Variants in MOSMO observed in about 807,000 individuals in gnomAD.
MOSMO encodes modulator of smoothened protein.
A neutral mutation model predicts 18.4 loss-of-function variants in MOSMO; 5 were observed. The ratio of observed to expected loss-of-function variants is 0.27; its 90% CI spans 0.14 to 0.57. The LOEUF (loss-of-function observed/expected upper bound fraction) is 0.57, where lower values mean the gene tolerates loss of function less well. Among genes scored for constraint, MOSMO ranks in the 20% least tolerant of loss-of-function variants. MOSMO has a pLI of 0.92. For synonymous variants in MOSMO, 82 were observed against 82.3 expected, an observed-to-expected ratio of 1.00 and a Z score of 0.02; for missense variants, 138 against 211.8, an observed-to-expected ratio of 0.65 and a Z score of 2.16.
intron 1 of MOSMO, chr16:22,064,191 C>T (rs1393970192): frequency 2.6e-6 from 1 of 390,550 alleles, no homozygotes; most frequent in Non-Finnish European, 5.1e-6. Context: ...GTTTCTTGAT[C>T]ATTGTCCACA....
At chr16:22,018,872 G>C (rs1179784994) in intron 1 of MOSMO, among the ~76,000 whole-genome samples, 1 of 152,158 alleles carries the variant, frequency 6.6e-6, no homozygotes, top group Non-Finnish European at 1.5e-5. Flanking sequence ...CATGAGTAAA[G>C]GTAGAGAGGA....
chr16:22,084,373 G>A lies in MOSMO; in HGVS notation c.*3493G>A, dbSNP rs1901134254. 1 of 152,028 alleles carries A rather than the reference G, an allele frequency of 6.6e-6. No homozygotes were observed. The highest frequency in any genetic ancestry group is 2.1e-4 in the South Asian group (1 of 4,822). 9.4% of individuals were successfully genotyped at this position (152,028 alleles called of 1,614,324 possible). A position where few individuals can be genotyped will look rare whatever the true frequency, so the allele number is the denominator to read the frequency against. On this transcript the variant is annotated 3_prime_UTR_variant, in exon 3 of 3. Transcript: ENST00000542527. ...GCTGTCTTTCAGAAAATTTTTGAAGGATAAAAACATGAAGGAAAAAAGTGG... is the reference window on the plus strand; with the variant it reads ...GCTGTCTTTCAGAAAATTTTTGAAGAATAAAAACATGAAGGAAAAAAGTGG...
chr16:22,043,564 T>A (rs982289659), intron 1 of MOSMO, among the ~76,000 whole-genome samples: 54 of 152,276 alleles, frequency 3.5e-4, no homozygotes, highest in African/African-American at 1.3e-3. Flanking sequence ...TTCTGAAAAA[T>A]TGGAATTCAT....
chr16:22,089,730 T>C (rs1465497835), downstream of MOSMO, among the ~76,000 whole-genome samples: 1 of 148,834 alleles, frequency 6.7e-6, no homozygotes, highest in Admixed American at 6.8e-5. Flanking sequence ...CGTCTCACAC[T>C]TGGGGAATGA....
At chr16:22,043,830 A>AT (rs1900255539) in intron 1 of MOSMO, among the ~76,000 whole-genome samples, 1 of 152,192 alleles carries the variant, frequency 6.6e-6, no homozygotes, top group South Asian at 2.1e-4. Context: ...TGAAGTGTCA[A>AT]TTATGTTGTA....
chr16:22,075,186 G>A (rs1242529397), intron 1 of MOSMO: 2 of 416,732 alleles, frequency 4.8e-6, no homozygotes, highest in African/African-American at 4.1e-5. Flanking sequence ...TATTTCCCTG[G>A]AGCCTAGAAA....
At chr16:22,079,231 A>G (rs1901031880) in intron 2 of MOSMO, among the ~76,000 whole-genome samples, 1 of 152,266 alleles carries the variant, frequency 6.6e-6, no homozygotes, top group Non-Finnish European at 1.5e-5. Context: ...CTCTGTTAGT[A>G]TTGCTGGGGG....
At chr16:22,028,385 T>G (rs1899921608) in intron 1 of MOSMO, among the ~76,000 whole-genome samples, 1 of 151,670 alleles carries the variant, frequency 6.6e-6, no homozygotes, top group Non-Finnish European at 1.5e-5. Flanking sequence ...TTTTTTAATT[T>G]TGATAAAATA....
At chr16:22,077,949 A>G (rs528240271) in intron 2 of MOSMO, among the ~76,000 whole-genome samples, 36 of 152,146 alleles carry the variant, frequency 2.4e-4, no homozygotes, top group South Asian at 8.3e-4. Flanking sequence ...GTACTTTATT[A>G]TGTGTATTTC....
intron 1 of MOSMO, among the ~76,000 whole-genome samples, chr16:22,045,982 T>A (rs1900301160): frequency 1.3e-5 from 2 of 151,506 alleles, no homozygotes; most frequent in South Asian, 4.2e-4. Context: ...ACCCAGTAAC[T>A]CGTCATTTAA....
At chr16:22,018,941 A>G (rs972007928) in intron 1 of MOSMO, among the ~76,000 whole-genome samples, 1 of 152,232 alleles carries the variant, frequency 6.6e-6, no homozygotes, top group Non-Finnish European at 1.5e-5. Context: ...TTATCTTTCT[A>G]AAGAACAAAT....
chr16:22,047,173 A>G (rs1284790445), intron 1 of MOSMO, among the ~76,000 whole-genome samples: 6 of 149,658 alleles, frequency 4.0e-5, no homozygotes, highest in Non-Finnish European at 5.9e-5. Flanking sequence ...TGTGTTAGAG[A>G]TCTTTCCACG....
chr16:22,051,105 TG>T (rs1467023497), intron 1 of MOSMO, among the ~76,000 whole-genome samples: 3 of 152,192 alleles, frequency 2.0e-5, no homozygotes, highest in Admixed American at 2.0e-4. Flanking sequence ...TTTGACTCTA[TG>T]GCTGGGCGCG....
chr16:22,009,433 T>G (rs1289148283), intron 1 of MOSMO, among the ~76,000 whole-genome samples: 1 of 151,836 alleles, frequency 6.6e-6, no homozygotes, highest in Non-Finnish European at 1.5e-5. Context: ...CTTCCAAGAT[T>G]TTTCTCAGCT....
intron 1 of MOSMO, among the ~76,000 whole-genome samples, chr16:22,020,254 A>G (rs1174382741): frequency 1.3e-5 from 2 of 150,694 alleles, no homozygotes; most frequent in East Asian, 3.9e-4. Context: ...TATTTAGAAA[A>G]TGAAGTCCAG....
At chr16:22,065,448 T>C (rs1372971704) in intron 1 of MOSMO, among the ~76,000 whole-genome samples, 1 of 152,140 alleles carries the variant, frequency 6.6e-6, no homozygotes, top group Non-Finnish European at 1.5e-5. Context: ...GAACTTGCCT[T>C]GTGTGTGGTC....
chr16:22,017,239 C>T (rs1361636108), intron 1 of MOSMO, among the ~76,000 whole-genome samples: 2 of 152,044 alleles, frequency 1.3e-5, no homozygotes, highest in East Asian at 3.8e-4. Context: ...AGAACTTGTT[C>T]GTGCAACCTG....
downstream of MOSMO, among the ~76,000 whole-genome samples, chr16:22,085,483 A>G (rs201375319): frequency 2.0e-5 from 3 of 152,180 alleles, no homozygotes; most frequent in South Asian, 2.1e-4. Context: ...GAATAGGTCA[A>G]TTGGAAATTG....
At chr16:22,031,133 T>C (rs537103310) in intron 1 of MOSMO, among the ~76,000 whole-genome samples, 1 of 152,202 alleles carries the variant, frequency 6.6e-6, no homozygotes, top group South Asian at 2.1e-4. Context: ...TAAGCCAAGA[T>C]GTAAAGAACA....
Sources: gnomAD v4.1 joint callset for allele counts (sites outside exome capture counted in the v4.1 genomes callset) on GRCh38, gnomAD v4.1.1 for gene constraint, MANE v1.5 for transcripts, NCBI Gene and HGNC (gene_info 2026-07-23, HGNC 2026-07-21) for gene names.